CYRIB: variants seen among roughly 807,000 people sequenced by gnomAD.
The protein encoded by CYRIB is CYFIP-related Rac1 interactor B.
A neutral mutation model predicts 44.2 loss-of-function variants in CYRIB; 8 were observed. That is an observed-to-expected ratio of 0.18 (90% CI 0.11 to 0.33). CYRIB has a LOEUF of 0.33. CYRIB is among the 10% of genes least tolerant of loss of function. The pLI, the probability that CYRIB is intolerant of heterozygous loss-of-function variation, is 1.00. For synonymous variants in CYRIB, 131 were observed against 127.2 expected, an observed-to-expected ratio of 1.03 and a Z score of -0.20; for missense variants, 185 against 382.8, an observed-to-expected ratio of 0.48 and a Z score of 4.31.
chr8:129,952,465 T>C (rs1042587788), intron 2 of CYRIB, among the ~76,000 whole-genome samples: 2 of 152,176 alleles, frequency 1.3e-5, no homozygotes, highest in Non-Finnish European at 2.9e-5. Context: ...ATACAATTAA[T>C]ATAAAATATG....
chr8:129,981,917 G>A (rs1027211097), intron 1 of CYRIB, among the ~76,000 whole-genome samples: 4 of 152,206 alleles, frequency 2.6e-5, no homozygotes, highest in Admixed American at 6.5e-5. Context: ...CAAGCTATAG[G>A]TGAAGGACAC....
upstream of CYRIB, among the ~76,000 whole-genome samples, chr8:129,943,226 A>C (rs959873565): frequency 6.6e-6 from 1 of 151,790 alleles, no homozygotes; most frequent in African/African-American, 2.4e-5. Flanking sequence ...ACAAAGCATG[A>C]CTCGTTGTAA....
At chr8:129,892,122 T>C (rs2065686511) in intron 2 of CYRIB, among the ~76,000 whole-genome samples, 1 of 152,144 alleles carries the variant, frequency 6.6e-6, no homozygotes, top group South Asian at 2.1e-4. Flanking sequence ...GCCACATATT[T>C]AGACCATGAA....
At chr8:129,983,929 C>T (rs969132771) in intron 1 of CYRIB, among the ~76,000 whole-genome samples, 37 of 152,246 alleles carry the variant, frequency 2.4e-4, no homozygotes, top group Admixed American at 5.2e-4. Flanking sequence ...CAGGAACCGG[C>T]AGCAGGTCCT....
intron 4 of CYRIB, among the ~76,000 whole-genome samples, chr8:129,863,017 A>T (rs1426003223): frequency 6.6e-6 from 1 of 152,242 alleles, no homozygotes; most frequent in Non-Finnish European, 1.5e-5. Flanking sequence ...CACAAAAAAA[A>T]ATATTGCATA....
At chr8:129,947,860 A>G (rs889755056) in intron 2 of CYRIB, 8 of 152,254 alleles carry the variant, frequency 5.3e-5, no homozygotes, top group African/African-American at 1.9e-4. Context: ...CGTCAGCCAC[A>G]TCGCTGTTAA....
chr8:129,871,538 A>AT (rs760214422), intron 3 of CYRIB, 42 bp from the exon 6 acceptor site: 10 of 1,596,568 alleles, frequency 6.3e-6, no homozygotes, highest in African/African-American at 2.7e-5. Context: ...AGTGACATGA[A>AT]TTTTTTAAAA....
intron 5 of CYRIB, 40 bp downstream of exon 7, chr8:129,862,189 T>C (rs763400308): frequency 7.2e-7 from 1 of 1,394,176 alleles, no homozygotes; most frequent in Non-Finnish European, 1.0e-6. Flanking sequence ...TAAACATCTT[T>C]TTCACTAGGG....
chr8:129,965,268 G>GTGTGTGTGTGTC (rs1436366232), intron 2 of CYRIB, among the ~76,000 whole-genome samples: 10 of 151,930 alleles, frequency 6.6e-5, no homozygotes, highest in African/African-American at 2.4e-4. Flanking sequence ...GTGTGTGTGT[G>GTGTGTGTGTGTC]TGTGTGTGTG....
intron 1 of CYRIB, among the ~76,000 whole-genome samples, chr8:130,015,126 A>C (rs1209330381): frequency 6.6e-6 from 1 of 152,196 alleles, no homozygotes; most frequent in Non-Finnish European, 1.5e-5. Context: ...GGAGGAGTCC[A>C]TCCAACCCAG....
intron 1 of CYRIB, among the ~76,000 whole-genome samples, chr8:129,998,840 C>G (rs2096842138): frequency 6.6e-6 from 1 of 152,108 alleles, no homozygotes; most frequent in African/African-American, 2.4e-5. Context: ...CCATGTTGGC[C>G]AAGGTGGTCT....
chr8:129,954,348 G>A (rs544474898), intron 2 of CYRIB, among the ~76,000 whole-genome samples: 7 of 152,002 alleles, frequency 4.6e-5, no homozygotes, highest in South Asian at 2.1e-4. Context: ...TCAGCCTCCC[G>A]AATAGCTGGG....
At chr8:129,943,063 C>G (rs1318080880), upstream of CYRIB, among the ~76,000 whole-genome samples, 1 of 150,140 alleles carries the variant, frequency 6.7e-6, no homozygotes, top group Admixed American at 6.6e-5. Flanking sequence ...TTCACTCAAT[C>G]AACACACATT....
chr8:129,997,672 C>G (rs1341481786), intron 1 of CYRIB, among the ~76,000 whole-genome samples: 1 of 152,186 alleles, frequency 6.6e-6, no homozygotes, highest in Non-Finnish European at 1.5e-5. Flanking sequence ...GCCAGAGAAT[C>G]ACGATGCAGC....
At chr8:129,900,462 C>T (rs76433849) in intron 2 of CYRIB, among the ~76,000 whole-genome samples, 2,302 of 152,294 alleles carry the variant, frequency 0.015, 67 homozygotes, top group African/African-American at 0.053. Flanking sequence ...GATTCGGGGA[C>T]ATCATTCTAG....
chr8:129,932,267 T>C (rs1235687692), intron 1 of CYRIB, among the ~76,000 whole-genome samples: 1 of 152,164 alleles, frequency 6.6e-6, no homozygotes, highest in East Asian at 1.9e-4. Flanking sequence ...CAGCTGCCCT[T>C]TGCTCTAGAG....
At chr8:129,941,096 A>G (rs527909013), upstream of CYRIB, among the ~76,000 whole-genome samples, 1 of 152,252 alleles carries the variant, frequency 6.6e-6, no homozygotes, top group East Asian at 1.9e-4. Flanking sequence ...CATGGTGGGC[A>G]TATTACTTAG....
At chr8:129,907,151 G>T (rs535647947) in intron 1 of CYRIB, among the ~76,000 whole-genome samples, 3 of 152,182 alleles carry the variant, frequency 2.0e-5, no homozygotes, top group Non-Finnish European at 4.4e-5. Flanking sequence ...ACATGCACAC[G>T]TATGTTTATT....
intron 11 of CYRIB, among the ~76,000 whole-genome samples, chr8:129,843,419 A>T (rs1481232109): frequency 1.3e-5 from 2 of 152,254 alleles, no homozygotes; most frequent in Admixed American, 6.5e-5. Flanking sequence ...GTTACTGAGC[A>T]CCAAGTGTGA....
Sources: allele counts gnomAD v4.1 joint callset (sites outside exome capture counted in the v4.1 genomes callset), GRCh38; gene constraint gnomAD v4.1.1; transcripts MANE v1.5; gene names NCBI Gene and HGNC (gene_info 2026-07-23, HGNC 2026-07-21).